Variants in NUP188 observed in about 807,000 individuals in gnomAD.
NUP188 encodes the protein nucleoporin NUP188.
A neutral mutation model predicts 223.0 loss-of-function variants in NUP188; 97 were observed. That is an observed-to-expected ratio of 0.43 (90% CI 0.37 to 0.51). The LOEUF (loss-of-function observed/expected upper bound fraction) is 0.51. Ranked by LOEUF, NUP188 falls within the 20% of genes least tolerant of loss-of-function variation. The pLI, the probability that NUP188 is intolerant of heterozygous loss-of-function variation, is 0.00. For synonymous variants in NUP188, 869 were observed against 828.0 expected, an observed-to-expected ratio of 1.05 and a Z score of -0.85; for missense variants, 1,947 against 2,175.6, an observed-to-expected ratio of 0.89 and a Z score of 2.09.
In NUP188 at chr9:128,952,837, A is replaced by G; in HGVS notation, c.152A>G (p.Lys51Arg). Residue 51 changes from lysine to arginine, a missense_variant, in exon 3 of 44, where the codon AAA becomes AGA. By Grantham distance (26) the Lys-to-Arg change is conservative. Transcript: ENST00000372577. ...RRLLEGLSYYKPPSPSSAEKV... is the reference protein window; with the variant it reads ...RRLLEGLSYYRPPSPSSAEKV... ...TTGTTAGAGGGGCTTTCTTACTACAAACCTCCCAGGTATGGCAGTTCCGGG... is the reference window on the plus strand; with the variant it reads ...TTGTTAGAGGGGCTTTCTTACTACAGACCTCCCAGGTATGGCAGTTCCGGG... 6.2e-7 allele frequency: 1 copy of G among 1,613,484 alleles called. No individual in the cohort carries two copies. Among genetic ancestry groups the G allele is most frequent in the Non-Finnish European group, 8.5e-7 (1 of 1,179,480 alleles).
At chr9:128,965,695 C>T (rs1220116630) in intron 8 of NUP188, among the ~76,000 whole-genome samples, 2 of 151,948 alleles carry the variant, frequency 1.3e-5, no homozygotes, top group South Asian at 2.1e-4. Context: ...TCAGGTGATC[C>T]GGCCCCCTCA....
In NUP188 at chr9:128,952,762, T is replaced by C; in HGVS notation, c.88-11T>C. The C allele has an allele frequency of 6.2e-7, 1 of 1,610,178 alleles. No homozygotes were observed. Among genetic ancestry groups the C allele is most frequent in the Non-Finnish European group, 8.5e-7 (1 of 1,177,658 alleles). ...ATACTGCATTTGTATAATTACCTTGTTCTTTTCCAGAGTCAGATTGAGGCA... is the reference window on the plus strand; with the variant it reads ...ATACTGCATTTGTATAATTACCTTGCTCTTTTCCAGAGTCAGATTGAGGCA... On this transcript the variant is annotated splice_polypyrimidine_tract_variant and intron_variant, in intron 2 of 43. Transcript: ENST00000372577.
At chr9:128,967,616 C>T (rs374507489) in intron 8 of NUP188, among the ~76,000 whole-genome samples, 2 of 151,884 alleles carry the variant, frequency 1.3e-5, no homozygotes, top group African/African-American at 4.8e-5. Context: ...ATAGTGAAAC[C>T]CTGTCTCTAC....
At chr9:128,994,985 A>G (rs368532901) in intron 29 of NUP188, 62 bp downstream of exon 29, 14 of 1,234,898 alleles carry the variant, frequency 1.1e-5, no homozygotes, top group Non-Finnish European at 1.1e-5. Context: ...TTGGTGGCCT[A>G]CCACTGGGTG....
At chr9:128,972,879 G>A (rs1842121858) in intron 11 of NUP188, among the ~76,000 whole-genome samples, 4 of 152,160 alleles carry the variant, frequency 2.6e-5, no homozygotes, top group African/African-American at 7.2e-5. Flanking sequence ...ACTGTTTACT[G>A]TAGGCTGGAT....
intron 3 of NUP188, among the ~76,000 whole-genome samples, chr9:128,956,001 A>G (rs1841863703): frequency 6.6e-6 from 1 of 151,642 alleles, no homozygotes; most frequent in Non-Finnish European, 1.5e-5. Context: ...AGTGCTGGCA[A>G]TTCCATTTGT....
intron 7 of NUP188, 55 bp from the exon 8 acceptor site, chr9:128,958,960 A>C: frequency 7.1e-7 from 1 of 1,407,902 alleles, no homozygotes; most frequent in Non-Finnish European, 9.6e-7. Flanking sequence ...ATTAATATTT[A>C]TTTGAATATT....
chr9:128,951,017 A>G lies in NUP188; in HGVS notation c.88-1756A>G, dbSNP rs956588241. Among the ~76,000 whole-genome samples, 5 of 151,954 alleles carry G rather than the reference A, an allele frequency of 3.3e-5. No individual in the cohort carries two copies. The East Asian group carries it at 9.8e-4, about 30-fold the overall frequency. On this transcript the variant is annotated intron_variant, in intron 2 of 43. Transcript: ENST00000372577. ...AAATACCATTCTTCTACCTCAACCTAAGAAAGATTCTTGGCCAGGCATGGT... is the reference window on the plus strand; with the variant it reads ...AAATACCATTCTTCTACCTCAACCTGAGAAAGATTCTTGGCCAGGCATGGT...
intron 8 of NUP188, among the ~76,000 whole-genome samples, chr9:128,962,405 C>T (rs541710597): frequency 2.0e-5 from 3 of 152,012 alleles, no homozygotes; most frequent in East Asian, 1.9e-4. Context: ...CCCACCACCA[C>T]GCCCAATTAA....
intron 28 of NUP188, 23 bp downstream of exon 28, chr9:128,994,465 A>T: frequency 6.4e-7 from 1 of 1,570,250 alleles, no homozygotes; most frequent in Non-Finnish European, 8.8e-7. Flanking sequence ...AGAGGGCAGG[A>T]TGGTGGCTAC....
rs1285892405 is a variant in NUP188 at position 129,002,990 on chromosome 9, GC to G, written c.4296+16del. 2.5e-6 allele frequency: 4 copies of G among 1,613,050 alleles called. No individual in the cohort carries two copies. The East Asian group carries it at 8.9e-5, about 36-fold the overall frequency. On this transcript the variant is annotated intron_variant, in intron 37 of 43. Transcript: ENST00000372577. ...GGACCTTACAGGTGAGGGGCTGCCT[GC>G]ATTGCAGGGGTGGGAGTTTCAGGGT...
At position 128,983,041 on chromosome 9, in the gene NUP188, T is replaced by G. The variant is rs368859690; in HGVS notation, c.1796+13T>G. ...TGCTGCTGCAGCGGTGAGTCTGTCT[T>G]GGCTGACCCTCAGCTGCCCAGTAGA... On this transcript the variant is annotated intron_variant, in intron 17 of 43. Transcript: ENST00000372577. 5 of 1,613,582 alleles carry G rather than the reference T, an allele frequency of 3.1e-6. No individual in the cohort carries two copies. In the African/African-American group the frequency reaches 6.7e-5, roughly 22 times the overall value.
intron 24 of NUP188, among the ~76,000 whole-genome samples, chr9:128,988,893 T>C (rs571953309): frequency 2.0e-5 from 3 of 151,806 alleles, no homozygotes; most frequent in Admixed American, 2.0e-4. Context: ...GCCCGGCTAA[T>C]TTTTGTTTTG....
At position 128,981,367 on chromosome 9, in the gene NUP188, C is replaced by A. The variant is rs752531634; in HGVS notation, c.1493C>A (p.Thr498Lys). The change falls in exon 15 of 44, where the codon ACA becomes AAA. Residue 498 changes from threonine (T) to lysine (K), a missense_variant. Physicochemically the swap from Thr to Lys is moderately conservative, Grantham distance 78 (BLOSUM62 -1). Coordinates refer to ENST00000372577, the MANE Select transcript of NUP188 (RefSeq NM_015354.3). ...HEDGTLWRRQTPKLLYPLGGQ... is the reference protein window; with the variant it reads ...HEDGTLWRRQKPKLLYPLGGQ... Reference sequence around the variant, plus strand: ...GATGGAACTCTTTGGCGGAGACAAACACCCAAACTCCTTTATCCCCTTGGT... The same window carrying A: ...GATGGAACTCTTTGGCGGAGACAAAAACCCAAACTCCTTTATCCCCTTGGT... The A allele has an allele frequency of 1.9e-6, 3 of 1,613,750 alleles. No individual in the cohort carries two copies. The highest frequency in any genetic ancestry group is 2.5e-6 in the Non-Finnish European group (3 of 1,179,870).
chr9:128,985,199 C>T, intron 20 of NUP188, 185 bp downstream of exon 20: 1 of 524,920 alleles, frequency 1.9e-6, no homozygotes, highest in Non-Finnish European at 3.4e-6. Flanking sequence ...CAGTTATGTA[C>T]TCTATTAGGT....
intron 10 of NUP188, 91 bp downstream of exon 10, chr9:128,969,605 G>T: frequency 2.9e-6 from 2 of 701,020 alleles, no homozygotes; most frequent in East Asian, 2.9e-5. Flanking sequence ...TTTCAGTGTT[G>T]TGGAACTACA....
intron 8 of NUP188, among the ~76,000 whole-genome samples, chr9:128,966,070 C>T (rs1215608475): frequency 6.6e-6 from 1 of 151,784 alleles, no homozygotes; most frequent in Non-Finnish European, 1.5e-5. Flanking sequence ...GCTGAGATTA[C>T]AGGCGTGAAC....
Position 129,005,537 on chromosome 9 carries a change from C to T in NUP188, c.4737+7C>T, listed in dbSNP as rs1012547439. On this transcript the variant is annotated splice_region_variant and intron_variant, in intron 40 of 43. Transcript: ENST00000372577. ...CCAGATTCTGCTGGATCAGGTACTG[C>T]CCATCATCTGTTCAGCACCACCTCC... is the stretch of plus-strand genomic sequence containing the variant. 6.2e-7 allele frequency: 1 copy of T among 1,608,276 alleles called. No homozygotes were observed. The highest frequency in any genetic ancestry group is 8.5e-7 in the Non-Finnish European group (1 of 1,179,470).
chr9:128,961,033 C>T (rs758666531), intron 8 of NUP188, among the ~76,000 whole-genome samples: 15 of 139,152 alleles, frequency 1.1e-4, no homozygotes, highest in Non-Finnish European at 2.0e-4. Flanking sequence ...TGCAGTGAGC[C>T]AAGATTGCGC....
Sources: allele counts gnomAD v4.1 joint callset (sites outside exome capture counted in the v4.1 genomes callset), GRCh38; gene constraint gnomAD v4.1.1; transcripts MANE v1.5; gene names NCBI Gene and HGNC (gene_info 2026-07-23, HGNC 2026-07-21).